The following PTPRK variants were observed in gnomAD, a reference collection of about 807,000 sequenced individuals.
PTPRK encodes the protein receptor-type tyrosine-protein phosphatase kappa.
A neutral mutation model predicts 178.0 loss-of-function variants in PTPRK; 75 were observed. The ratio of observed to expected loss-of-function variants is 0.42; its 90% CI spans 0.35 to 0.51. The LOEUF is 0.51. Among genes scored for constraint, PTPRK ranks in the 20% least tolerant of loss-of-function variants. The pLI, the probability that PTPRK is intolerant of heterozygous loss-of-function variation, is 0.02. For synonymous variants in PTPRK, 637 were observed against 620.6 expected (o/e 1.03, Z -0.39); for missense variants, 1,441 against 1,797.8 (o/e 0.80, Z 3.59).
intron 13 of PTPRK, among the ~76,000 whole-genome samples, chr6:128,030,614 T>C (rs1173026451): frequency 6.6e-6 from 1 of 152,230 alleles, no homozygotes; most frequent in Non-Finnish European, 1.5e-5. Context: ...AAAGCCTTTA[T>C]ATGCGTGACT....
At chr6:128,209,043 A>G (rs1267440902) in intron 6 of PTPRK, among the ~76,000 whole-genome samples, 2 of 151,988 alleles carry the variant, frequency 1.3e-5, no homozygotes, top group Non-Finnish European at 2.9e-5. Flanking sequence ...ATTGCTGCCT[A>G]ATCTCTCATC....
intron 2 of PTPRK, among the ~76,000 whole-genome samples, chr6:128,391,015 G>C (rs533491362): frequency 2.0e-5 from 3 of 152,094 alleles, no homozygotes; most frequent in Non-Finnish European, 4.4e-5. Flanking sequence ...GTGGTATAGA[G>C]AAAGGGGTAG....
At chr6:128,475,345 AT>A (rs1354344894) in intron 1 of PTPRK, among the ~76,000 whole-genome samples, 1 of 152,118 alleles carries the variant, frequency 6.6e-6, no homozygotes, top group Non-Finnish European at 1.5e-5. Context: ...GGCAGTGAAC[AT>A]TTAAGACAGA....
intron 2 of PTPRK, among the ~76,000 whole-genome samples, chr6:128,344,830 A>G (rs1584271113): frequency 1.3e-5 from 2 of 152,044 alleles, no homozygotes; most frequent in East Asian, 3.9e-4. Context: ...CCTCACTTCT[A>G]AAGAGGACTT....
intron 2 of PTPRK, among the ~76,000 whole-genome samples, chr6:128,328,711 T>A (rs1184455403): frequency 6.6e-6 from 1 of 152,090 alleles, no homozygotes; most frequent in Non-Finnish European, 1.5e-5. Context: ...TGTTTCTGAG[T>A]TATATCAATA....
At chr6:128,494,201 TAAAAA>T (rs11301155) in intron 1 of PTPRK, among the ~76,000 whole-genome samples, 2 of 112,944 alleles carry the variant, frequency 1.8e-5, no homozygotes, top group Non-Finnish European at 3.6e-5. Flanking sequence ...CCCTGTATCT[TAAAAA>T]AAAAAAAAAA....
intron 3 of PTPRK, among the ~76,000 whole-genome samples, chr6:128,283,480 G>A (rs1329925751): frequency 6.6e-6 from 1 of 152,146 alleles, no homozygotes; most frequent in African/African-American, 2.4e-5. Flanking sequence ...CTGGGGGAAA[G>A]AGAGGGCTTT....
At chr6:128,090,880 GAA>G (rs1285663193) in intron 7 of PTPRK, among the ~76,000 whole-genome samples, 1 of 152,054 alleles carries the variant, frequency 6.6e-6, no homozygotes, top group African/African-American at 2.4e-5. Flanking sequence ...TTGATAAAAA[GAA>G]AAAAGTCAAG....
At chr6:128,437,091 A>T (rs540449238) in intron 1 of PTPRK, among the ~76,000 whole-genome samples, 1 of 152,274 alleles carries the variant, frequency 6.6e-6, no homozygotes, top group East Asian at 1.9e-4. Flanking sequence ...CTGCTGGGTT[A>T]CTTTCCCTGG....
intron 1 of PTPRK, among the ~76,000 whole-genome samples, chr6:128,510,076 G>T (rs111975137): frequency 0.011 from 1,702 of 152,258 alleles, 29 homozygotes; most frequent in African/African-American, 0.037. Flanking sequence ...AGTTATTTAT[G>T]ATAATAGACA....
At chr6:128,036,196 A>G (rs1776176081) in intron 13 of PTPRK, among the ~76,000 whole-genome samples, 1 of 152,202 alleles carries the variant, frequency 6.6e-6, no homozygotes, top group South Asian at 2.1e-4. Context: ...GGCTTCTCCC[A>G]GGGCTGTGAG....
chr6:128,429,865 AGATATATTTG>A (rs1331165787), intron 1 of PTPRK, among the ~76,000 whole-genome samples: 1 of 152,218 alleles, frequency 6.6e-6, no homozygotes, highest in East Asian at 1.9e-4. Flanking sequence ...AACCATAATG[AGATATATTTG>A]TATAATCATC....
chr6:128,058,786 A>C (rs1780330897), intron 13 of PTPRK, among the ~76,000 whole-genome samples: 1 of 151,930 alleles, frequency 6.6e-6, no homozygotes, highest in African/African-American at 2.4e-5. Context: ...TTGTAACATC[A>C]TAAAATATGT....
At chr6:128,437,109 C>T (rs1327348130) in intron 1 of PTPRK, among the ~76,000 whole-genome samples, 1 of 152,140 alleles carries the variant, frequency 6.6e-6, no homozygotes, top group Non-Finnish European at 1.5e-5. Flanking sequence ...TGGGGTTCAG[C>T]ACTCTTGGTC....
intron 1 of PTPRK, among the ~76,000 whole-genome samples, chr6:128,459,219 A>G (rs578129761): frequency 1.3e-5 from 2 of 152,282 alleles, no homozygotes; most frequent in African/African-American, 4.8e-5. Context: ...TTATAGTTAT[A>G]CGATCACACT....
intron 1 of PTPRK, among the ~76,000 whole-genome samples, chr6:128,513,415 A>C (rs1857453926): frequency 6.6e-6 from 1 of 151,578 alleles, no homozygotes; most frequent in African/African-American, 2.4e-5. Flanking sequence ...CCCAGGAGGC[A>C]GAAGTTTCAG....
intron 7 of PTPRK, among the ~76,000 whole-genome samples, chr6:128,101,315 G>A (rs1414180839): frequency 6.6e-6 from 1 of 151,932 alleles, no homozygotes; most frequent in Non-Finnish European, 1.5e-5. Flanking sequence ...CTAATATAAT[G>A]TTTAAAACAA....
chr6:128,077,862 G>A (rs1405277682), intron 11 of PTPRK, among the ~76,000 whole-genome samples: 2 of 151,924 alleles, frequency 1.3e-5, no homozygotes. Context: ...TAGATAATAT[G>A]AGACTTTACT....
chr6:128,165,232 G>C (rs1472013337), intron 7 of PTPRK, among the ~76,000 whole-genome samples: 1 of 151,176 alleles, frequency 6.6e-6, no homozygotes, highest in African/African-American at 2.4e-5. Flanking sequence ...TTTTACCTTA[G>C]TTTCCAATTT....
Sources: allele counts gnomAD v4.1 joint callset (sites outside exome capture counted in the v4.1 genomes callset), GRCh38; gene constraint gnomAD v4.1.1; transcripts MANE v1.5; gene names NCBI Gene and HGNC (gene_info 2026-07-23, HGNC 2026-07-21).